The following NEGR1 variants were observed in gnomAD, a reference collection of about 807,000 sequenced individuals.
NEGR1 encodes IgLON family member 4.
A neutral mutation model predicts 40.9 loss-of-function variants in NEGR1; 10 were observed. That is an observed-to-expected ratio of 0.24 (90% CI 0.15 to 0.42). The LOEUF is 0.42. NEGR1 is among the 10% of genes least tolerant of loss of function. The probability of loss-of-function intolerance (pLI) is 1.00; values close to 1 mark genes in which losing one functional copy is unlikely to be tolerated. For synonymous variants in NEGR1, 185 were observed against 166.8 expected (o/e 1.11, Z -0.84); for missense variants, 352 against 438.9 (o/e 0.80, Z 1.77).
At chr1:72,120,252 A>C (rs544535721) in intron 1 of NEGR1, among the ~76,000 whole-genome samples, 1 of 152,134 alleles carries the variant, frequency 6.6e-6, no homozygotes, top group Non-Finnish European at 1.5e-5. Context: ...AAATCCAAAA[A>C]TTATTTGACT....
At chr1:71,635,101 C>T (rs753713505) in intron 4 of NEGR1, among the ~76,000 whole-genome samples, 9 of 151,880 alleles carry the variant, frequency 5.9e-5, no homozygotes, top group African/African-American at 2.2e-4. Context: ...TCTGAGTGGC[C>T]AGTTCAGATA....
intron 3 of NEGR1, among the ~76,000 whole-genome samples, chr1:71,770,382 AG>A (rs1285528067): frequency 1.3e-5 from 2 of 152,200 alleles, no homozygotes; most frequent in African/African-American, 4.8e-5. Flanking sequence ...AAGTTATTTA[AG>A]GTCTTATTGT....
At chr1:71,925,644 T>C (rs981186737) in intron 2 of NEGR1, among the ~76,000 whole-genome samples, 3 of 152,058 alleles carry the variant, frequency 2.0e-5, no homozygotes, top group Non-Finnish European at 4.4e-5. Flanking sequence ...TTACAAGGAG[T>C]ATTGTCAGTT....
At chr1:72,160,061 T>A (rs1442478749) in intron 1 of NEGR1, among the ~76,000 whole-genome samples, 1 of 152,180 alleles carries the variant, frequency 6.6e-6, no homozygotes, top group Non-Finnish European at 1.5e-5. Flanking sequence ...TTTTAGCAAA[T>A]AACCAAAGTT....
intron 2 of NEGR1, among the ~76,000 whole-genome samples, chr1:71,933,456 G>C (rs1255231935): frequency 6.6e-6 from 1 of 151,934 alleles, no homozygotes; most frequent in Non-Finnish European, 1.5e-5. Context: ...TAAGTAACTC[G>C]AACATATTAT....
At chr1:71,600,457 T>C (rs1051757190) in intron 5 of NEGR1, among the ~76,000 whole-genome samples, 1 of 152,118 alleles carries the variant, frequency 6.6e-6, no homozygotes, top group Non-Finnish European at 1.5e-5. Context: ...AATCTCGTTG[T>C]GGTAGCTTTC....
At chr1:71,822,461 A>T (rs1189229744) in intron 2 of NEGR1, among the ~76,000 whole-genome samples, 2 of 151,992 alleles carry the variant, frequency 1.3e-5, no homozygotes, top group African/African-American at 4.8e-5. Context: ...CAAAGTGTCT[A>T]TGATGTCAAA....
intron 4 of NEGR1, among the ~76,000 whole-genome samples, chr1:71,623,474 C>A (rs1190149116): frequency 6.6e-6 from 1 of 151,892 alleles, no homozygotes; most frequent in Non-Finnish European, 1.5e-5. Flanking sequence ...GTGCTTTATC[C>A]ATGAACTTGC....
intron 6 of NEGR1, among the ~76,000 whole-genome samples, chr1:71,416,079 A>G (rs1646353003): frequency 6.6e-6 from 1 of 152,188 alleles, no homozygotes; most frequent in Admixed American, 6.6e-5. Flanking sequence ...AAAAATAGAA[A>G]TCCAGCTGTG....
intron 1 of NEGR1, among the ~76,000 whole-genome samples, chr1:71,970,741 T>C (rs950812287): frequency 7.9e-5 from 12 of 152,114 alleles, no homozygotes; most frequent in Non-Finnish European, 1.8e-4. Flanking sequence ...TCACATGACC[T>C]TGGGCATTCT....
chr1:71,615,880 G>A lies in NEGR1; in HGVS notation c.668-4734C>T, dbSNP rs140147895. Among the ~76,000 whole-genome samples the A allele has an allele frequency of 3.3e-5, 5 of 152,306 alleles. No individual in the cohort carries two copies. In the East Asian group the frequency reaches 9.7e-4, roughly 29 times the overall value. ...CTGTTGTAGTAATCCTTAGGATAAT[G>A]AGAAAGTCATTGGCCAATGCATAGA... On this transcript the variant is annotated intron_variant, in intron 4 of 6. Coordinates refer to ENST00000357731, the MANE Select transcript of NEGR1 (RefSeq NM_173808.3).
At chr1:71,972,281 A>G (rs1468016225) in intron 1 of NEGR1, among the ~76,000 whole-genome samples, 2 of 152,196 alleles carry the variant, frequency 1.3e-5, no homozygotes, top group Non-Finnish European at 2.9e-5. Flanking sequence ...CCATGCTAGG[A>G]CACCTATATC....
At chr1:71,712,070 A>G (rs992589771) in intron 3 of NEGR1, among the ~76,000 whole-genome samples, 1 of 152,190 alleles carries the variant, frequency 6.6e-6, no homozygotes, top group African/African-American at 2.4e-5. Flanking sequence ...TCTTAGAATT[A>G]TAAAATTGTT....
chr1:71,484,892 A>G (rs1405738474), intron 6 of NEGR1: 2 of 151,670 alleles, frequency 1.3e-5, no homozygotes, highest in Admixed American at 6.6e-5. Context: ...GCTCTTTGTG[A>G]TACTACACTG....
intron 6 of NEGR1, among the ~76,000 whole-genome samples, chr1:71,479,559 G>C (rs1414386493): frequency 6.6e-6 from 1 of 151,846 alleles, no homozygotes; most frequent in Non-Finnish European, 1.5e-5. Context: ...ATTTCTATTA[G>C]GTCCTTCTGA....
intron 6 of NEGR1, among the ~76,000 whole-genome samples, chr1:71,582,280 A>T (rs1162164038): frequency 1.3e-5 from 2 of 152,210 alleles, no homozygotes. Context: ...TTAACAAAAG[A>T]CTGTTATGAT....
At chr1:71,711,468 T>C (rs1188129477) in intron 3 of NEGR1, among the ~76,000 whole-genome samples, 1 of 101,118 alleles carries the variant, frequency 9.9e-6, no homozygotes, top group Non-Finnish European at 1.9e-5. Context: ...ACTATTAGAA[T>C]GGCTAAAATT....
At chr1:71,719,620 G>C (rs1269280024) in intron 3 of NEGR1, among the ~76,000 whole-genome samples, 1 of 148,802 alleles carries the variant, frequency 6.7e-6, no homozygotes, top group Admixed American at 6.6e-5. Flanking sequence ...ACAGGAGCCA[G>C]TGTTTTTTTT....
intron 1 of NEGR1, among the ~76,000 whole-genome samples, chr1:72,246,111 A>C (rs1654894236): frequency 6.6e-6 from 1 of 152,204 alleles, no homozygotes; most frequent in African/African-American, 2.4e-5. Context: ...CATTCAAAAA[A>C]ACAAAAGGCA....
Sources: allele counts gnomAD v4.1 joint callset (sites outside exome capture counted in the v4.1 genomes callset), GRCh38; gene constraint gnomAD v4.1.1; transcripts MANE v1.5; gene names NCBI Gene and HGNC (gene_info 2026-07-23, HGNC 2026-07-21).